FMN1: variants seen among roughly 807,000 people sequenced by gnomAD.
FMN1 encodes formin-1.
FMN1 carries 110 observed loss-of-function variants against 132.4 expected under a neutral mutation model. The ratio of observed to expected loss-of-function variants is 0.83; its 90% CI spans 0.71 to 0.97. FMN1 has a LOEUF of 0.97. Ranked by LOEUF, FMN1 falls within the 50% of genes least tolerant of loss-of-function variation. FMN1 has a pLI of 0.00. For synonymous variants in FMN1, 722 were observed against 651.7 expected (o/e 1.11, Z -1.64); for missense variants, 1,792 against 1,705.3 (o/e 1.05, Z -0.90).
intron 19 of FMN1, among the ~76,000 whole-genome samples, chr15:32,792,803 T>C (rs6494682): frequency 0.16 from 24,149 of 152,112 alleles, 2,361 homozygotes; most frequent in African/African-American, 0.28. Flanking sequence ...ATGGTAGCAG[T>C]AGACCTGACG....
At chr15:33,007,220 G>C (rs1206189706) in intron 7 of FMN1, among the ~76,000 whole-genome samples, 1 of 152,054 alleles carries the variant, frequency 6.6e-6, no homozygotes, top group African/African-American at 2.4e-5. Flanking sequence ...TTTTAGAAAA[G>C]AAATGTCTGA....
chr15:33,000,032 A>G (rs1359639651), intron 7 of FMN1, among the ~76,000 whole-genome samples: 1 of 152,210 alleles, frequency 6.6e-6, no homozygotes, highest in East Asian at 1.9e-4. Flanking sequence ...ACACTGGAAG[A>G]TTAGAGGACT....
intron 17 of FMN1, among the ~76,000 whole-genome samples, chr15:32,848,972 CTTTTGTTTTTT>C (rs1347613558): frequency 7.3e-5 from 5 of 68,628 alleles, no homozygotes; most frequent in African/African-American, 1.7e-4. Context: ...GGTTAGTTCT[CTTTTGTTTTTT>C]TTTTTTTTTT....
chr15:32,968,561 C>A (rs1382416624), intron 8 of FMN1, among the ~76,000 whole-genome samples, 153 bp downstream of exon 8: 4 of 152,066 alleles, frequency 2.6e-5, no homozygotes, highest in Non-Finnish European at 5.9e-5. Context: ...ACAATCTCCC[C>A]AAACATCCCA....
chr15:32,922,060 G>A (rs1275241190), intron 10 of FMN1, among the ~76,000 whole-genome samples: 2 of 152,176 alleles, frequency 1.3e-5, no homozygotes, highest in South Asian at 4.2e-4. Flanking sequence ...TTTACAGGAA[G>A]AGTCAAGATA....
intron 7 of FMN1, among the ~76,000 whole-genome samples, chr15:33,002,799 A>T (rs946725180): frequency 5.9e-5 from 9 of 152,226 alleles, no homozygotes; most frequent in Non-Finnish European, 1.0e-4. Flanking sequence ...TGTGTTTGCC[A>T]AATGAAACAC....
intron 4 of FMN1, among the ~76,000 whole-genome samples, chr15:33,126,718 C>G (rs1201300296): frequency 6.6e-6 from 1 of 152,178 alleles, no homozygotes; most frequent in Non-Finnish European, 1.5e-5. Flanking sequence ...GAGCAATCTA[C>G]GCTACAGGCA....
chr15:33,112,031 G>C (rs2039726417), intron 4 of FMN1, among the ~76,000 whole-genome samples: 1 of 151,962 alleles, frequency 6.6e-6, no homozygotes, highest in African/African-American at 2.4e-5. Flanking sequence ...TAATTTTTTG[G>C]AAAGAACTGT....
intron 6 of FMN1, 44 bp from the exon 7 acceptor site, chr15:33,008,119 T>C: frequency 2.0e-6 from 3 of 1,489,900 alleles, no homozygotes; most frequent in Middle Eastern, 1.8e-4. Context: ...AGTACAAAAT[T>C]AAGCACAAAA....
At chr15:33,149,776 T>A in intron 4 of FMN1, 3 of 984,116 alleles carry the variant, frequency 3.0e-6, no homozygotes, top group South Asian at 9.4e-5. Context: ...TCTATTAATG[T>A]CGTGACGCTT....
At chr15:32,790,440 TA>T (rs2057035897) in intron 19 of FMN1, among the ~76,000 whole-genome samples, 1 of 152,218 alleles carries the variant, frequency 6.6e-6, no homozygotes. Context: ...CCAAGGCATT[TA>T]TTAAGGAAAC....
rs1400301457 is a variant in FMN1, at chr15:33,176,021, TGAGA to T, written c.-132+4173_-132+4176del. ...CATGTGAATTTTGCTGAAGAAAGTT[TGAGA>T]GAAATAGTCGGTTAGAGGGCCCCAA... On this transcript the variant is annotated intron_variant, in intron 3 of 20. Transcript: ENST00000616417. 2.0e-5 allele frequency among the ~76,000 whole-genome samples: 3 copies of T among 152,292 alleles called. No individual in the cohort carries two copies. In the East Asian group the frequency reaches 5.8e-4, roughly 29 times the overall value.
At chr15:33,060,615 A>T (rs894529996) in intron 6 of FMN1, among the ~76,000 whole-genome samples, 1 of 152,186 alleles carries the variant, frequency 6.6e-6, no homozygotes, top group Non-Finnish European at 1.5e-5. Context: ...ACTACAATGT[A>T]TTATGCTAAG....
chr15:33,055,646 T>C lies in FMN1; in HGVS notation c.2161+9311A>G, dbSNP rs561823034. ...AACAAAAAAATCAACGCCCAGAATA[T>C]TGCAGGTCTAAATGACAAATGAAGA... On this transcript the variant is annotated intron_variant, in intron 6 of 20. Coordinates refer to ENST00000616417, the MANE Select transcript of FMN1 (RefSeq NM_001277313.2). Among the ~76,000 whole-genome samples the C allele has an allele frequency of 8.6e-5, 13 of 151,754 alleles. 1 individual carries two copies. In the East Asian group the frequency reaches 1.2e-3, roughly 14 times the overall value.
chr15:32,873,999 C>T lies in FMN1; in HGVS notation c.3835+14173G>A, dbSNP rs150746927. 3.6e-3 allele frequency among the ~76,000 whole-genome samples: 526 copies of T among 146,598 alleles called. 4 individuals are homozygous for T. Among genetic ancestry groups the T allele is most frequent in the African/African-American group, 0.013 (506 of 39,266 alleles). On this transcript the variant is annotated intron_variant, in intron 16 of 20. Transcript: ENST00000616417. ...AATGAATACGCCATTGGTTATGATTCACAATTTTATTTTAGTTGTTTTTTT... is the reference window on the plus strand; with the variant it reads ...AATGAATACGCCATTGGTTATGATTTACAATTTTATTTTAGTTGTTTTTTT...
chr15:32,888,342 T>A, intron 15 of FMN1, 50 bp from the exon 16 acceptor site: 1 of 1,494,454 alleles, frequency 6.7e-7, no homozygotes, highest in Admixed American at 2.3e-5. Context: ...ATTGTCACTT[T>A]CAGTTGAAAT....
intron 4 of FMN1, among the ~76,000 whole-genome samples, chr15:33,149,410 T>G (rs1035326397): frequency 6.6e-6 from 1 of 152,218 alleles, no homozygotes; most frequent in Admixed American, 6.5e-5. Context: ...AATCATTTAT[T>G]TAACCATTTC....
chr15:32,993,220 A>G (rs2033550470), intron 7 of FMN1, among the ~76,000 whole-genome samples: 1 of 152,250 alleles, frequency 6.6e-6, no homozygotes, highest in South Asian at 2.1e-4. Flanking sequence ...TATTACATTA[A>G]GCCATATAAA....
At chr15:33,188,235 G>A (rs934360987) in intron 2 of FMN1, among the ~76,000 whole-genome samples, 2 of 152,082 alleles carry the variant, frequency 1.3e-5, no homozygotes, top group Non-Finnish European at 2.9e-5. Flanking sequence ...AGCTACTCAG[G>A]AAGCTGAGGC....
Sources: allele counts gnomAD v4.1 joint callset (sites outside exome capture counted in the v4.1 genomes callset), GRCh38; gene constraint gnomAD v4.1.1; transcripts MANE v1.5; gene names NCBI Gene and HGNC (gene_info 2026-07-23, HGNC 2026-07-21).